The following ULK4 variants were observed in gnomAD, a reference collection of about 807,000 sequenced individuals.
ULK4 encodes unc-51 like kinase 4, also known as inactive serine/threonine-protein kinase ULK4.
ULK4 carries 133 observed loss-of-function variants against 160.6 expected under a neutral mutation model. That is an observed-to-expected ratio of 0.83 (90% CI 0.72 to 0.96). The LOEUF is 0.96. Ranked by LOEUF, ULK4 falls within the 40% of genes least tolerant of loss-of-function variation. ULK4 has a pLI of 0.00. For missense variants in ULK4, 1,580 were observed against 1,499.5 expected (o/e 1.05, Z -0.89); for synonymous variants, 534 against 539.8 (o/e 0.99, Z 0.15).
At chr3:41,790,480 T>C (rs2040117996) in intron 20 of ULK4, among the ~76,000 whole-genome samples, 1 of 152,174 alleles carries the variant, frequency 6.6e-6, no homozygotes, top group African/African-American at 2.4e-5. Context: ...TATTAAGTGT[T>C]GGAATAGAAG....
chr3:41,562,318 T>C (rs2087613736), intron 32 of ULK4, among the ~76,000 whole-genome samples: 3 of 152,226 alleles, frequency 2.0e-5, no homozygotes. Flanking sequence ...GAGGTGGGGC[T>C]GAGGAGAATG....
intron 34 of ULK4, among the ~76,000 whole-genome samples, chr3:41,449,352 A>T (rs982025815): frequency 2.6e-5 from 4 of 152,092 alleles, no homozygotes; most frequent in Non-Finnish European, 4.4e-5. Flanking sequence ...GGAGGTACTT[A>T]TGAGTTTGTT....
At chr3:41,299,121 G>A (rs574143387) in intron 35 of ULK4, among the ~76,000 whole-genome samples, 10 of 152,176 alleles carry the variant, frequency 6.6e-5, no homozygotes, top group South Asian at 2.1e-4. Context: ...GTGATGTTGT[G>A]CAGATCCAAG....
intron 35 of ULK4, among the ~76,000 whole-genome samples, chr3:41,346,028 G>A (rs1255690131): frequency 1.3e-5 from 2 of 151,966 alleles, no homozygotes; most frequent in African/African-American, 2.4e-5. Flanking sequence ...GCCAGAACAG[G>A]TGGGTGCAGA....
intron 30 of ULK4, among the ~76,000 whole-genome samples, chr3:41,660,695 C>T (rs1393296279): frequency 1.3e-5 from 2 of 152,100 alleles, no homozygotes; most frequent in Admixed American, 6.5e-5. Context: ...CTCTTGATCC[C>T]CTTGACCTTT....
At chr3:41,572,737 G>A (rs2088024922) in intron 31 of ULK4, among the ~76,000 whole-genome samples, 1 of 147,960 alleles carries the variant, frequency 6.8e-6, no homozygotes, top group African/African-American at 2.5e-5. Context: ...CTGCACTCCA[G>A]CCTGGGCGAC....
At chr3:41,539,035 GTT>G (rs11425607) in intron 32 of ULK4, among the ~76,000 whole-genome samples, 2,706 of 139,908 alleles carry the variant, frequency 0.019, 80 homozygotes, top group African/African-American at 0.064. Flanking sequence ...CTTTTTCTTA[GTT>G]TTTTTTTTTT....
At chr3:41,392,137 C>A (rs1460444102) in intron 35 of ULK4, among the ~76,000 whole-genome samples, 1 of 152,056 alleles carries the variant, frequency 6.6e-6, no homozygotes, top group Admixed American at 6.6e-5. Context: ...CCATTGATAT[C>A]CAGTTTAAGG....
chr3:41,781,022 AAGAG>A (rs1001822280), intron 21 of ULK4, among the ~76,000 whole-genome samples: 1 of 150,260 alleles, frequency 6.7e-6, no homozygotes, highest in African/African-American at 2.5e-5. Context: ...TAGAGGCAGA[AAGAG>A]AGATTTATAG....
At chr3:41,497,923 ATAAC>A (rs1445753066) in intron 32 of ULK4, among the ~76,000 whole-genome samples, 1 of 152,174 alleles carries the variant, frequency 6.6e-6, no homozygotes, top group African/African-American at 2.4e-5. Flanking sequence ...AACAACTGAT[ATAAC>A]TAATTAGATA....
At chr3:41,939,171 T>A (rs1244527686) in intron 2 of ULK4, among the ~76,000 whole-genome samples, 1 of 151,936 alleles carries the variant, frequency 6.6e-6, no homozygotes, top group Non-Finnish European at 1.5e-5. Context: ...CCCTTTTTTT[T>A]TTTTTTTGAG....
chr3:41,420,167 T>G (rs150739488), intron 34 of ULK4, among the ~76,000 whole-genome samples: 5 of 152,244 alleles, frequency 3.3e-5, no homozygotes, highest in African/African-American at 1.2e-4. Context: ...TTTTCTTGGT[T>G]AGTCTCTCAC....
intron 17 of ULK4, among the ~76,000 whole-genome samples, chr3:41,855,622 A>G (rs1344182095): frequency 6.6e-6 from 1 of 152,224 alleles, no homozygotes; most frequent in Non-Finnish European, 1.5e-5. Context: ...AAATATAACT[A>G]GTATTATTTA....
intron 17 of ULK4, among the ~76,000 whole-genome samples, chr3:41,864,660 T>C (rs984966971): frequency 1.3e-5 from 2 of 152,090 alleles, no homozygotes; most frequent in Admixed American, 1.3e-4. Flanking sequence ...ATGCCTATAA[T>C]CCCAGCACTT....
intron 34 of ULK4, among the ~76,000 whole-genome samples, chr3:41,399,385 A>G (rs1559571053): frequency 1.3e-5 from 2 of 152,170 alleles, no homozygotes; most frequent in African/African-American, 4.8e-5. Context: ...AGTTCTTTAT[A>G]TATTTTAAAT....
intron 31 of ULK4, among the ~76,000 whole-genome samples, chr3:41,569,161 G>A (rs2087884144): frequency 6.6e-6 from 1 of 152,154 alleles, no homozygotes; most frequent in African/African-American, 2.4e-5. Context: ...GAACTTCGGG[G>A]TTCTGTTATA....
chr3:41,461,019 G>T (rs1173747468), intron 33 of ULK4, among the ~76,000 whole-genome samples: 4 of 152,100 alleles, frequency 2.6e-5, no homozygotes, highest in Non-Finnish European at 4.4e-5. Context: ...CAGGCACTTT[G>T]TCTCTGCCTC....
At chr3:41,679,756 A>G (rs186884086) in intron 29 of ULK4, among the ~76,000 whole-genome samples, 63 of 152,356 alleles carry the variant, frequency 4.1e-4, no homozygotes, top group Non-Finnish European at 6.9e-4. Context: ...AGCTATTACT[A>G]AACTGTGAAG....
At chr3:41,759,510 G>A (rs1209134093) in intron 21 of ULK4, among the ~76,000 whole-genome samples, 1 of 152,068 alleles carries the variant, frequency 6.6e-6, no homozygotes, top group East Asian at 1.9e-4. Context: ...ATAATGAAGA[G>A]ACATTCCATG....
Sources: allele counts gnomAD v4.1 joint callset (sites outside exome capture counted in the v4.1 genomes callset), GRCh38; gene constraint gnomAD v4.1.1; transcripts MANE v1.5; gene names NCBI Gene and HGNC (gene_info 2026-07-23, HGNC 2026-07-21).